CDH12: variants seen among roughly 807,000 people sequenced by gnomAD.
CDH12 encodes cadherin-12.
In CDH12, 41 loss-of-function variants were observed where a neutral mutation model predicts 74.1. The observed-to-expected ratio is 0.55, with a 90% CI of 0.43 to 0.72. CDH12 has a LOEUF of 0.72. Among genes scored for constraint, CDH12 ranks in the 30% least tolerant of loss-of-function variants. The pLI, the probability that CDH12 is intolerant of heterozygous loss-of-function variation, is 0.00. For missense variants in CDH12, 945 were observed against 977.2 expected (o/e 0.97, Z 0.44); for synonymous variants, 399 against 355.0 (o/e 1.12, Z -1.39).
chr5:22,529,892 C>T (rs1034130472), intron 1 of CDH12, among the ~76,000 whole-genome samples: 2 of 152,158 alleles, frequency 1.3e-5, no homozygotes, highest in Non-Finnish European at 2.9e-5. Flanking sequence ...CCTCTGCAGG[C>T]TCACAGTCTG....
At chr5:22,210,472 T>C (rs1487689833) in intron 4 of CDH12, among the ~76,000 whole-genome samples, 25 of 149,916 alleles carry the variant, frequency 1.7e-4, no homozygotes, top group South Asian at 6.4e-4. Context: ...CTTTAAGCAA[T>C]TGCATTTTTA....
chr5:22,368,394 G>C (rs1321158012), intron 3 of CDH12, among the ~76,000 whole-genome samples: 1 of 151,736 alleles, frequency 6.6e-6, no homozygotes, highest in Non-Finnish European at 1.5e-5. Flanking sequence ...AACCTACCAG[G>C]CTCATGTGAT....
intron 3 of CDH12, among the ~76,000 whole-genome samples, chr5:22,272,215 A>T (rs987580214): frequency 6.6e-6 from 1 of 152,148 alleles, no homozygotes; most frequent in African/African-American, 2.4e-5. Context: ...CTTGCATTTT[A>T]TGTTATGGAG....
intron 1 of CDH12, among the ~76,000 whole-genome samples, chr5:22,808,696 C>A (rs1322623232): frequency 6.8e-6 from 1 of 146,776 alleles, no homozygotes; most frequent in Non-Finnish European, 1.5e-5. Flanking sequence ...ACTTCTGCTC[C>A]CGGGTTCAAG....
intron 3 of CDH12, among the ~76,000 whole-genome samples, chr5:22,250,811 T>C (rs574097663): frequency 1.3e-5 from 2 of 152,208 alleles, no homozygotes; most frequent in African/African-American, 4.8e-5. Flanking sequence ...TTGCCCTTAA[T>C]GGAAAGGAGA....
chr5:22,356,909 A>T (rs1740586051), intron 3 of CDH12, among the ~76,000 whole-genome samples: 1 of 152,128 alleles, frequency 6.6e-6, no homozygotes, highest in Admixed American at 6.6e-5. Flanking sequence ...CAACCAAAAT[A>T]ATTTTTAAAA....
intron 4 of CDH12, among the ~76,000 whole-genome samples, chr5:22,146,302 C>T (rs1379407010): frequency 1.3e-5 from 2 of 152,010 alleles, no homozygotes; most frequent in Middle Eastern, 3.4e-3. Context: ...ATAACATGGC[C>T]TTAAAAAAGG....
chr5:22,752,730 C>A (rs1163360550), intron 1 of CDH12, among the ~76,000 whole-genome samples: 1 of 143,866 alleles, frequency 7.0e-6, no homozygotes, highest in Admixed American at 7.0e-5. Context: ...CGCCACTACG[C>A]CCGGCTAATT....
At chr5:22,189,739 T>TA (rs537459277) in intron 4 of CDH12, among the ~76,000 whole-genome samples, 4 of 152,046 alleles carry the variant, frequency 2.6e-5, no homozygotes, top group African/African-American at 7.2e-5. Flanking sequence ...AATATCTTTT[T>TA]AAAAAAAATT....
chr5:22,591,775 G>A (rs996785490), intron 1 of CDH12, among the ~76,000 whole-genome samples: 1 of 152,064 alleles, frequency 6.6e-6, no homozygotes, highest in African/African-American at 2.4e-5. Flanking sequence ...TATTATCTAT[G>A]TGCACATACA....
intron 5 of CDH12, among the ~76,000 whole-genome samples, chr5:22,077,810 A>G (rs1742436085): frequency 1.3e-5 from 2 of 152,288 alleles, no homozygotes; most frequent in South Asian, 2.1e-4. Context: ...TTTAAATTGC[A>G]TGCTCTGTTG....
intron 4 of CDH12, among the ~76,000 whole-genome samples, chr5:22,085,224 G>GA (rs1742987518): frequency 6.6e-6 from 1 of 151,772 alleles, no homozygotes; most frequent in African/African-American, 2.4e-5. Context: ...ATTTAGTTGT[G>GA]AAATACTCAC....
intron 1 of CDH12, among the ~76,000 whole-genome samples, chr5:22,721,634 T>C (rs184216700): frequency 8.2e-4 from 125 of 151,922 alleles, no homozygotes; most frequent in African/African-American, 3.0e-3. Flanking sequence ...GGACATGAGA[T>C]TTGAGAGGGA....
At chr5:22,189,240 C>G (rs1750130152) in intron 4 of CDH12, among the ~76,000 whole-genome samples, 1 of 152,172 alleles carries the variant, frequency 6.6e-6, no homozygotes, top group African/African-American at 2.4e-5. Context: ...AGCAAATCCA[C>G]AGCTAGGTCA....
At chr5:22,313,916 A>T (rs1183567669) in intron 3 of CDH12, among the ~76,000 whole-genome samples, 1 of 152,188 alleles carries the variant, frequency 6.6e-6, no homozygotes, top group Admixed American at 6.5e-5. Flanking sequence ...TTTTACCAAT[A>T]TATAATTTGC....
At chr5:22,398,755 G>T (rs184610583) in intron 3 of CDH12, among the ~76,000 whole-genome samples, 30 of 152,156 alleles carry the variant, frequency 2.0e-4, no homozygotes, top group East Asian at 7.7e-4. Context: ...TTACATTCTT[G>T]GTTGTAGAAT....
chr5:22,734,182 T>A lies in CDH12; in HGVS notation c.-523+118876A>T, dbSNP rs181772585. ...CACAATAGACATGTGCTAACACACATTAAATGCTTAGAAATTGTATGTATT... is the reference window on the plus strand; with the variant it reads ...CACAATAGACATGTGCTAACACACAATAAATGCTTAGAAATTGTATGTATT... On this transcript the variant is annotated intron_variant, in intron 1 of 14. Coordinates refer to ENST00000382254, the MANE Select transcript of CDH12 (RefSeq NM_004061.5). 1.8e-4 allele frequency among the ~76,000 whole-genome samples: 28 copies of A among 152,140 alleles called. 1 individual carries two copies. In the East Asian group the frequency reaches 4.1e-3, roughly 22 times the overall value.
chr5:21,999,901 G>C (rs576463250), intron 5 of CDH12, among the ~76,000 whole-genome samples: 23 of 152,074 alleles, frequency 1.5e-4, no homozygotes, highest in African/African-American at 5.1e-4. Context: ...GGAAATAACT[G>C]TGGCAGTTGG....
intron 2 of CDH12, among the ~76,000 whole-genome samples, chr5:22,443,565 T>C (rs1744706625): frequency 6.6e-6 from 1 of 152,132 alleles, no homozygotes; most frequent in Admixed American, 6.6e-5. Flanking sequence ...TCAGGAAATA[T>C]GGATTTTGAT....
Sources: allele counts gnomAD v4.1 joint callset (sites outside exome capture counted in the v4.1 genomes callset), GRCh38; gene constraint gnomAD v4.1.1; transcripts MANE v1.5; gene names NCBI Gene and HGNC (gene_info 2026-07-23, HGNC 2026-07-21).